HLA-DQB1: variants seen among roughly 807,000 people sequenced by gnomAD.
HLA-DQB1 encodes the protein major histocompatibility complex, class II, DQ beta 1.
A neutral mutation model predicts 26.4 loss-of-function variants in HLA-DQB1; 13 were observed. That is an observed-to-expected ratio of 0.49 (90% CI 0.32 to 0.78). HLA-DQB1 has a LOEUF of 0.78. HLA-DQB1 is among the 30% of genes least tolerant of loss of function. The probability of loss-of-function intolerance (pLI) is 0.03; values close to 1 mark genes in which losing one functional copy is unlikely to be tolerated. For missense variants in HLA-DQB1, 158 were observed against 326.2 expected, an observed-to-expected ratio of 0.48 and a Z score of 3.97; for synonymous variants, 60 against 129.1, an observed-to-expected ratio of 0.46 and a Z score of 3.63.
At chr6:32,662,143 C>T (rs41544112) in exon 3 of HLA-DQB1, 68,031 of 1,455,450 alleles carry the variant, frequency 0.047, 7,618 homozygotes, top group Middle Eastern at 0.067. Context: ...CCGAAACCAC[C>T]GGACTTTGAT....
At chr6:32,661,070 G>C (rs1782935605) in intron 4 of HLA-DQB1, among the ~76,000 whole-genome samples, 1 of 141,844 alleles carries the variant, frequency 7.1e-6, no homozygotes. Context: ...AGGAAGCTGA[G>C]GCTCTGACCC....
Position 32,665,133 on chromosome 6 carries a change from C to A in HLA-DQB1, c.110-66G>T. On this transcript the variant is annotated intron_variant, in intron 1 of 4. Coordinates refer to ENST00000434651, the Ensembl canonical transcript of HLA-DQB1. Reference sequence around the variant, plus strand: ...GCCGCCCCCGCAGCCGCCGCCCTGACCCGGCCTGGAGCTGTGGAACCGCCC... The same window carrying A: ...GCCGCCCCCGCAGCCGCCGCCCTGAACCGGCCTGGAGCTGTGGAACCGCCC... 2 of 983,446 alleles carry A rather than the reference C, an allele frequency of 2.0e-6. 1 individual carries two copies. The highest frequency in any genetic ancestry group is 2.8e-6 in the Non-Finnish European group (2 of 711,412). 60.9% of individuals were successfully genotyped at this position (983,446 alleles called of 1,614,324 possible).
chr6:32,660,018 A>G (rs1766), exon 5 of HLA-DQB1: 88,117 of 292,512 alleles, frequency 0.3, 20,887 homozygotes, highest in East Asian at 0.55. Flanking sequence ...GCAGCTGGCC[A>G]TGCACAGGCA....
chr6:32,661,605 C>A (rs1311807036), intron 3 of HLA-DQB1, 148 bp from the exon 4 acceptor site: 14,574 of 487,496 alleles, frequency 0.03, 3,252 homozygotes, highest in East Asian at 0.23. Flanking sequence ...GGGGAAAGAC[C>A]AGCCAATAGG....
intron 2 of HLA-DQB1, chr6:32,663,326 G>A (rs281863383): frequency 1.4e-5 from 2 of 145,768 alleles, no homozygotes; most frequent in East Asian, 4.0e-4. Flanking sequence ...GAAGGCAAGG[G>A]AGTGTAAAGC....
exon 2 of HLA-DQB1, chr6:32,664,914 G>A (rs1130381): frequency 0.016 from 20,869 of 1,327,432 alleles, 2,702 homozygotes; most frequent in Admixed American, 0.075. Context: ...CTCGGCATCA[G>A]GCCGCCCCTG....
exon 5 of HLA-DQB1, chr6:32,659,959 C>A: frequency 4.1e-6 from 1 of 243,832 alleles, no homozygotes. Context: ...TTCTCTTGAG[C>A]AGTCTGAGGA....
chr6:32,661,539 G>T (rs41270897), intron 3 of HLA-DQB1, 82 bp from the exon 4 acceptor site: 74,096 of 826,964 alleles, frequency 0.09, 10,706 homozygotes, highest in Middle Eastern at 0.17. Flanking sequence ...AGTCTGAGGT[G>T]CAGAAGGTGA....
intron 1 of HLA-DQB1, among the ~76,000 whole-genome samples, chr6:32,665,399 A>C (rs281861773): frequency 7.1e-6 from 1 of 141,622 alleles, no homozygotes; most frequent in Non-Finnish European, 1.5e-5. Context: ...ATGAAATCCC[A>C]TTTTTCATGA....
At position 32,661,915 on chromosome 6, in the gene HLA-DQB1, G is replaced by A. The variant is rs41270915; in HGVS notation, c.661+52C>T. 6 of 1,146,460 alleles carry A rather than the reference G, an allele frequency of 5.2e-6. No homozygotes were observed. In the African/African-American group the frequency reaches 7.4e-5, roughly 14 times the overall value. 71.0% of individuals were successfully genotyped at this position (1,146,460 alleles called of 1,614,324 possible). On this transcript the variant is annotated intron_variant, in intron 3 of 4. Transcript: ENST00000434651. ...AGAGATGGGAAGGAATGGGTCAGAA[G>A]GAGCTCTTTGTCTTGTGGGCCCATA...
At chr6:32,661,894 A>G in intron 3 of HLA-DQB1, 73 bp downstream of exon 3, 2 of 1,083,726 alleles carry the variant, frequency 1.8e-6, no homozygotes, top group Non-Finnish European at 2.7e-6. Flanking sequence ...GGGATAAGAG[A>G]TGGGAAGGAA....
intron 1 of HLA-DQB1, among the ~76,000 whole-genome samples, 157 bp from the exon 2 acceptor site, chr6:32,665,224 T>C (rs281861921): frequency 1.5e-5 from 2 of 137,152 alleles, no homozygotes; most frequent in Non-Finnish European, 3.2e-5. Flanking sequence ...CCGGCGGCTC[T>C]GCCCAGCTCT....
chr6:32,661,500 A>T, intron 3 of HLA-DQB1, 43 bp from the exon 4 acceptor site: 1 of 1,046,712 alleles, frequency 9.6e-7, no homozygotes, highest in Non-Finnish European at 1.3e-6. Flanking sequence ...CCCACACCCC[A>T]TAGCATCCCT....
In HLA-DQB1 at chr6:32,662,444, C is replaced by G. The variant is rs9274123; in HGVS notation, c.380-196G>C. On this transcript the variant is annotated intron_variant, in intron 2 of 4. Coordinates refer to ENST00000434651, the Ensembl canonical transcript of HLA-DQB1. ...AAAGATAAATAACATACTATGGTCCCTGCATTTATAGAATGTGCAATCTAG... is the reference window on the plus strand; with the variant it reads ...AAAGATAAATAACATACTATGGTCCGTGCATTTATAGAATGTGCAATCTAG... The G allele has an allele frequency of 1.4e-5, 5 of 362,342 alleles. 2 individuals are homozygous for G. The highest frequency in any genetic ancestry group is 2.3e-5 in the Non-Finnish European group (5 of 216,196). The allele number at this position is 362,342 out of a possible 1,614,324, so 22.4% of individuals were successfully genotyped here. A position where few individuals can be genotyped will look rare whatever the true frequency, so the allele number is the denominator to read the frequency against.
chr6:32,662,193 G>A (rs9274013), exon 3 of HLA-DQB1: 1 of 1,470,270 alleles, frequency 6.8e-7, no homozygotes. Context: ...AGACCAGCAG[G>A]TTGTGGTGGT....
exon 3 of HLA-DQB1, chr6:32,662,159 C>T (rs1049107): frequency 0.2 from 280,764 of 1,383,826 alleles, 48,440 homozygotes; most frequent in African/African-American, 0.24. Context: ...TTGATCTGGC[C>T]TGGATAGAAA....
rs9274413 is a variant in HLA-DQB1 at position 32,665,126 on chromosome 6, G to A, written c.110-59C>T. The A allele has an allele frequency of 5.7e-3, 5,248 of 925,698 alleles. 373 individuals are homozygous for A. The highest frequency in any genetic ancestry group is 0.018 in the African/African-American group (785 of 42,626). 57.3% of individuals were successfully genotyped at this position (925,698 alleles called of 1,614,324 possible). ...CAGCCCGGCCGCCCCCGCAGCCGCC[G>A]CCCTGACCCGGCCTGGAGCTGTGGA... On this transcript the variant is annotated intron_variant, in intron 1 of 4. Coordinates refer to ENST00000434651, the Ensembl canonical transcript of HLA-DQB1.
chr6:32,665,278 C>A (rs281861880), intron 1 of HLA-DQB1, among the ~76,000 whole-genome samples: 1 of 126,202 alleles, frequency 7.9e-6, no homozygotes, highest in African/African-American at 2.9e-5. Flanking sequence ...TTCCTACATC[C>A]AGGAAAGGGA....
At chr6:32,666,101 C>T (rs9274489) in intron 1 of HLA-DQB1, among the ~76,000 whole-genome samples, 91,309 of 123,394 alleles carry the variant, frequency 0.74, 34,633 homozygotes, top group East Asian at 0.9. Context: ...ATTGCTGCCT[C>T]ACATTTTCCA....
Sources: allele counts gnomAD v4.1 joint callset (sites outside exome capture counted in the v4.1 genomes callset), GRCh38; gene constraint gnomAD v4.1.1; transcripts MANE v1.5; gene names NCBI Gene and HGNC (gene_info 2026-07-23, HGNC 2026-07-21).